KATNIP: variants seen among roughly 807,000 people sequenced by gnomAD.
The protein encoded by KATNIP is katanin interacting protein.
Under a neutral mutation model 174.0 loss-of-function variants are expected in KATNIP, and 126 were observed. The observed-to-expected ratio is 0.72, with a 90% CI of 0.63 to 0.84. The LOEUF (loss-of-function observed/expected upper bound fraction) is 0.84, where lower values mean the gene tolerates loss of function less well. Among genes scored for constraint, KATNIP ranks in the 40% least tolerant of loss-of-function variants. The probability of loss-of-function intolerance (pLI) is 0.00; values close to 1 mark genes in which losing one functional copy is unlikely to be tolerated. For missense variants in KATNIP, 1,958 were observed against 2,109.7 expected (o/e 0.93, Z 1.41); for synonymous variants, 810 against 835.7 (o/e 0.97, Z 0.53).
chr16:27,691,632 C>T lies in KATNIP; in HGVS notation c.941-6696C>T, dbSNP rs191654132. 8.5e-5 allele frequency among the ~76,000 whole-genome samples: 13 copies of T among 152,296 alleles called. No homozygotes were observed. The East Asian group carries it at 1.5e-3, about 18-fold the overall frequency. On this transcript the variant is annotated intron_variant, in intron 8 of 27. Coordinates refer to ENST00000261588, the MANE Select transcript of KATNIP (RefSeq NM_015202.5). ...TGGAGAACTGGGGCGCCATGTAGGA[C>T]GGTTCTGGAAAGCCAGGATGGGAAA... is the stretch of plus-strand genomic sequence containing the variant.
chr16:27,728,754 G>T (rs1041259320), intron 14 of KATNIP, among the ~76,000 whole-genome samples: 14 of 152,186 alleles, frequency 9.2e-5, no homozygotes, highest in African/African-American at 2.9e-4. Flanking sequence ...AAAGAGAGCA[G>T]CCCCACAAGA....
At chr16:27,709,393 G>A (rs950976622) in intron 13 of KATNIP, among the ~76,000 whole-genome samples, 4 of 151,264 alleles carry the variant, frequency 2.6e-5, no homozygotes, top group African/African-American at 7.3e-5. Context: ...AGGCCGAGGC[G>A]AGTGGATCAC....
At chr16:27,683,620 A>G (rs2142838178) in intron 8 of KATNIP, among the ~76,000 whole-genome samples, 2 of 152,334 alleles carry the variant, frequency 1.3e-5, no homozygotes, top group South Asian at 4.1e-4. Context: ...CAAATAGAAC[A>G]TGAAAGATGT....
At chr16:27,730,325 CT>C (rs201625880) in intron 14 of KATNIP, among the ~76,000 whole-genome samples, 7 of 151,364 alleles carry the variant, frequency 4.6e-5, no homozygotes, top group South Asian at 2.1e-4. Context: ...AATTTTTTTG[CT>C]TTTTTTTTGA....
chr16:27,660,182 A>G (rs1050543879), intron 6 of KATNIP, among the ~76,000 whole-genome samples: 1 of 152,162 alleles, frequency 6.6e-6, no homozygotes, highest in Non-Finnish European at 1.5e-5. Flanking sequence ...TGAATTAAAT[A>G]TCTCCTGCAC....
At chr16:27,585,085 C>T (rs2141819077) in intron 2 of KATNIP, among the ~76,000 whole-genome samples, 1 of 152,298 alleles carries the variant, frequency 6.6e-6, no homozygotes, top group South Asian at 2.1e-4. Flanking sequence ...TGGGCAGAGG[C>T]AATGACTGCC....
rs138751052 is a variant in KATNIP, at chr16:27,682,846, A to C, written c.940+1316A>C. 5.4e-3 allele frequency among the ~76,000 whole-genome samples: 828 copies of C among 152,186 alleles called. 13 individuals carry two copies. Among genetic ancestry groups the C allele is most frequent in the African/African-American group, 0.019 (792 of 41,518 alleles). ...AGTGGATTAATGCATTCATGGGTTA[A>C]TGGATTAAAGGGTTATCATGGGAGT... On this transcript the variant is annotated intron_variant, in intron 8 of 27. Transcript: ENST00000261588.
At chr16:27,553,309 A>G (rs1254299020) in intron 1 of KATNIP, among the ~76,000 whole-genome samples, 1 of 152,214 alleles carries the variant, frequency 6.6e-6, no homozygotes, top group Non-Finnish European at 1.5e-5. Flanking sequence ...GGTAATGGAA[A>G]CAAGTTTTCA....
chr16:27,557,940 A>G (rs1217993658), intron 1 of KATNIP, among the ~76,000 whole-genome samples: 7 of 152,210 alleles, frequency 4.6e-5, no homozygotes, highest in Admixed American at 4.6e-4. Context: ...GCATGGCAAC[A>G]ATTGTCCCAC....
intron 1 of KATNIP, among the ~76,000 whole-genome samples, chr16:27,559,052 C>A (rs988979134): frequency 1.1e-4 from 16 of 152,194 alleles, no homozygotes; most frequent in African/African-American, 3.4e-4. Context: ...TGACTACATT[C>A]CCAGCTCCCT....
At chr16:27,772,685 A>G (rs1402384562) in intron 22 of KATNIP, among the ~76,000 whole-genome samples, 1 of 152,214 alleles carries the variant, frequency 6.6e-6, no homozygotes, top group Non-Finnish European at 1.5e-5. Context: ...TTTCACAACC[A>G]GGGAAACTGG....
intron 2 of KATNIP, among the ~76,000 whole-genome samples, chr16:27,600,416 C>T (rs1226086947): frequency 1.3e-5 from 2 of 152,254 alleles, no homozygotes; most frequent in East Asian, 1.9e-4. Flanking sequence ...CAGCACCTGC[C>T]GTTAGCACAA....
At chr16:27,717,181 C>G (rs2079992162) in intron 13 of KATNIP, among the ~76,000 whole-genome samples, 1 of 152,146 alleles carries the variant, frequency 6.6e-6, no homozygotes, top group Non-Finnish European at 1.5e-5. Context: ...AGTTGGTAAC[C>G]TTTCTGAGAC....
rs183816511 is a variant in KATNIP at position 27,749,690 on chromosome 16, C to A, written c.2730C>A (p.His910Gln). The A allele has an allele frequency of 1.9e-6, 3 of 1,613,334 alleles. No individual in the cohort carries two copies. Among genetic ancestry groups the A allele is most frequent in the African/African-American group, 1.3e-5 (1 of 74,932 alleles). The change falls in exon 16 of 28, where the codon CAC (histidine) becomes CAA (glutamine). Residue 910 changes from histidine (H) to glutamine (Q), a missense_variant. Transcript: ENST00000261588. ...WSSLSAFDRS[H>Q]RGRISNTELP... ...CCCTCAGTGCCTTCGACCGCTCCCACCGGGGACGCATCTCCAACACGGAGC... is the reference window on the plus strand; with the variant it reads ...CCCTCAGTGCCTTCGACCGCTCCCAACGGGGACGCATCTCCAACACGGAGC...
intron 3 of KATNIP, among the ~76,000 whole-genome samples, chr16:27,621,784 T>TG (rs145162904): frequency 1.7e-4 from 26 of 149,620 alleles, no homozygotes; most frequent in African/African-American, 5.4e-4. Flanking sequence ...AGAGAGAGGG[T>TG]GGGGGGGAGG....
intron 6 of KATNIP, among the ~76,000 whole-genome samples, chr16:27,669,611 A>G (rs1764280153): frequency 6.6e-6 from 1 of 152,200 alleles, no homozygotes; most frequent in African/African-American, 2.4e-5. Flanking sequence ...CAAGGTCCTC[A>G]TCTTTCCAGA....
Position 27,701,625 on chromosome 16 carries a change from C to G in KATNIP, c.1216C>G (p.Pro406Ala), listed in dbSNP as rs752756524. The change falls in exon 11 of 28, where the codon CCG (proline) becomes GCG (alanine). Residue 406 changes from proline (P) to alanine (A), a missense_variant. Physicochemically the swap from Pro to Ala is conservative, Grantham distance 27. This residue lies in a region of KATNIP where 1,557 missense variants were observed against 1,617.8 expected (regional missense o/e 0.96). Coordinates refer to ENST00000261588, the MANE Select transcript of KATNIP (RefSeq NM_015202.5). ...CACCACGGCGACTACTACTCAGGAG[C>G]CGGCCGGGGCAGCAGGAGGAGCCAG... The part of the protein sequence containing the change: ...PITTATTTQE[P>A]AGAAGGARAI... 1 of 1,605,542 alleles carries G rather than the reference C, an allele frequency of 6.2e-7. No individual in the cohort carries two copies. Among genetic ancestry groups the G allele is most frequent in the South Asian group, 1.1e-5 (1 of 88,606 alleles).
chr16:27,591,390 G>C (rs2075160089), intron 2 of KATNIP, among the ~76,000 whole-genome samples: 1 of 151,938 alleles, frequency 6.6e-6, no homozygotes, highest in South Asian at 2.1e-4. Context: ...TCACCATCTT[G>C]GCCAGGATGG....
intron 2 of KATNIP, among the ~76,000 whole-genome samples, chr16:27,598,106 GTTGCTCCAGCTACTTAGGAGGCTAC>G (rs1272593964): frequency 6.6e-6 from 1 of 152,110 alleles, no homozygotes; most frequent in African/African-American, 2.4e-5. Flanking sequence ...GCGTATGCCT[GTTGCTCCAGCTACTTAGGAGGCTAC>G]TTAGGAGGCT....
Sources: gnomAD v4.1 joint callset for allele counts (sites outside exome capture counted in the v4.1 genomes callset) on GRCh38, gnomAD v4.1.1 for gene constraint, gnomAD v4.1.1 regional missense constraint, MANE v1.5 for transcripts, NCBI Gene and HGNC (gene_info 2026-07-23, HGNC 2026-07-21) for gene names.